Variants in CDK14 observed in about 807,000 individuals in gnomAD.
CDK14 encodes the protein cyclin-dependent kinase 14.
In CDK14, 34 loss-of-function variants were observed where a neutral mutation model predicts 60.7. The ratio of observed to expected loss-of-function variants is 0.56; its 90% CI spans 0.43 to 0.75. CDK14 has a LOEUF of 0.75. Among genes scored for constraint, CDK14 ranks in the 30% least tolerant of loss-of-function variants. The probability of loss-of-function intolerance (pLI) is 0.00; values close to 1 mark genes in which losing one functional copy is unlikely to be tolerated. For synonymous variants in CDK14, 197 were observed against 203.7 expected (o/e 0.97, Z 0.28); for missense variants, 482 against 564.1 (o/e 0.85, Z 1.47).
At chr7:91,064,901 A>G (rs923892244) in intron 11 of CDK14, among the ~76,000 whole-genome samples, 1 of 152,150 alleles carries the variant, frequency 6.6e-6, no homozygotes, top group Non-Finnish European at 1.5e-5. Flanking sequence ...ATAAATGCCT[A>G]ACTTAGTTCT....
intron 10 of CDK14, among the ~76,000 whole-genome samples, chr7:91,035,969 G>C (rs554348175): frequency 6.7e-6 from 1 of 148,422 alleles, no homozygotes; most frequent in Non-Finnish European, 1.5e-5. Flanking sequence ...TCAGCCTCCC[G>C]AGTAGCTGGG....
At chr7:91,124,090 G>A (rs1799867301) in intron 14 of CDK14, among the ~76,000 whole-genome samples, 1 of 152,020 alleles carries the variant, frequency 6.6e-6, no homozygotes, top group African/African-American at 2.4e-5. Context: ...GTCTCGCTAT[G>A]TTGTCTCAGC....
rs559236876 is a variant in CDK14, at chr7:90,639,788, G to A, written c.123+35539G>A. Among the ~76,000 whole-genome samples the A allele has an allele frequency of 9.5e-4, 145 of 152,022 alleles. 1 individual carries two copies. The highest frequency in any genetic ancestry group is 3.2e-3 in the African/African-American group (133 of 41,488). On this transcript the variant is annotated intron_variant, in intron 2 of 14. Transcript: ENST00000380050. ...GGGCTCCACCCAGTTCGAGCTTCCC[G>A]GCTGCTTTGTTTACCTAAGCAAGCC...
chr7:91,028,407 C>CT (rs762907000), intron 10 of CDK14, among the ~76,000 whole-genome samples: 8 of 152,050 alleles, frequency 5.3e-5, no homozygotes, highest in Non-Finnish European at 8.8e-5. Context: ...GTGCAGGTAT[C>CT]TTTTTTATAT....
intron 2 of CDK14, among the ~76,000 whole-genome samples, chr7:90,666,825 G>A (rs778020733): frequency 6.6e-6 from 1 of 152,108 alleles, no homozygotes; most frequent in Non-Finnish European, 1.5e-5. Context: ...AGCCATTGCT[G>A]TCCTGATTGC....
intron 5 of CDK14, among the ~76,000 whole-genome samples, chr7:90,853,254 T>G (rs1790708712): frequency 2.6e-5 from 4 of 152,178 alleles, no homozygotes; most frequent in Admixed American, 2.6e-4. Context: ...TGACATTTTT[T>G]GGGCTTTTCA....
intron 14 of CDK14, among the ~76,000 whole-genome samples, chr7:91,193,032 G>C (rs565052499): frequency 6.6e-5 from 10 of 152,182 alleles, no homozygotes; most frequent in African/African-American, 1.9e-4. Flanking sequence ...CTCATATGGG[G>C]CAGTGTAGGA....
At chr7:90,947,001 A>G (rs1794121140) in intron 8 of CDK14, among the ~76,000 whole-genome samples, 1 of 152,126 alleles carries the variant, frequency 6.6e-6, no homozygotes, top group Non-Finnish European at 1.5e-5. Context: ...CGCAGATAAG[A>G]GTTGTTCTCA....
intron 9 of CDK14, among the ~76,000 whole-genome samples, chr7:90,982,742 T>A (rs900927012): frequency 3.3e-5 from 5 of 152,096 alleles, no homozygotes; most frequent in Non-Finnish European, 5.9e-5. Flanking sequence ...CCCAGTATAG[T>A]TGCATCTATT....
intron 11 of CDK14, among the ~76,000 whole-genome samples, chr7:91,065,716 G>T (rs903860751): frequency 5.3e-5 from 8 of 152,166 alleles, no homozygotes; most frequent in African/African-American, 1.9e-4. Context: ...GTATTGGTTC[G>T]CATGATTTGT....
chr7:90,976,871 A>G (rs1200019632), intron 9 of CDK14, among the ~76,000 whole-genome samples: 1 of 152,100 alleles, frequency 6.6e-6, no homozygotes, highest in Non-Finnish European at 1.5e-5. Context: ...TAAAAACTCA[A>G]TTTAAGTCGG....
chr7:91,199,641 G>A (rs1802655126), intron 14 of CDK14, among the ~76,000 whole-genome samples: 1 of 152,206 alleles, frequency 6.6e-6, no homozygotes, highest in South Asian at 2.1e-4. Context: ...GATATGTTAA[G>A]TCAGTCTTCT....
intron 10 of CDK14, among the ~76,000 whole-genome samples, chr7:91,009,631 A>C (rs1562866714): frequency 1.3e-5 from 2 of 152,088 alleles, no homozygotes; most frequent in African/African-American, 4.8e-5. Flanking sequence ...TTCCATCTAT[A>C]TGTCTTCTTT....
At chr7:90,936,805 A>T (rs571508676) in intron 8 of CDK14, among the ~76,000 whole-genome samples, 2 of 152,210 alleles carry the variant, frequency 1.3e-5, no homozygotes, top group Non-Finnish European at 2.9e-5. Flanking sequence ...TAGGCCAGGA[A>T]TGGTGGCTCA....
At position 91,046,129 on chromosome 7, in the gene CDK14, T is replaced by A. The variant is rs532969840; in HGVS notation, c.1105+169T>A. ...CTTTTATTTTCACAAATTATTTGTC[T>A]GTGAAGACAGAGTTAAAGACATCCC... On this transcript the variant is annotated intron_variant, in intron 11 of 14. Coordinates refer to ENST00000380050, the MANE Select transcript of CDK14 (RefSeq NM_001287135.2). 4.6e-5 allele frequency among the ~76,000 whole-genome samples: 7 copies of A among 152,352 alleles called. No homozygotes were observed. The South Asian group carries it at 1.4e-3, about 32-fold the overall frequency.
chr7:90,887,544 G>A (rs974976368), intron 6 of CDK14, among the ~76,000 whole-genome samples: 3 of 152,026 alleles, frequency 2.0e-5, no homozygotes, highest in Non-Finnish European at 2.9e-5. Flanking sequence ...TACTCTATTC[G>A]TAACATAAAT....
chr7:91,046,073 A>G (rs1797223774), intron 11 of CDK14, 113 bp downstream of exon 11: 3 of 686,936 alleles, frequency 4.4e-6, no homozygotes, highest in South Asian at 3.5e-5. Context: ...TACTTTTGCC[A>G]TTGTGTACTT....
At chr7:90,755,545 T>C (rs1804020157) in intron 4 of CDK14, among the ~76,000 whole-genome samples, 1 of 152,130 alleles carries the variant, frequency 6.6e-6, no homozygotes, top group Admixed American at 6.6e-5. Flanking sequence ...ATCATTCATA[T>C]CCCATACCTC....
chr7:90,842,010 C>T (rs1427679704), intron 5 of CDK14, among the ~76,000 whole-genome samples: 2 of 151,936 alleles, frequency 1.3e-5, no homozygotes, highest in African/African-American at 2.4e-5. Context: ...CCTTGGAGTG[C>T]CCTTAGCAAC....
Sources: allele counts gnomAD v4.1 joint callset (sites outside exome capture counted in the v4.1 genomes callset), GRCh38; gene constraint gnomAD v4.1.1; transcripts MANE v1.5; gene names NCBI Gene and HGNC (gene_info 2026-07-23, HGNC 2026-07-21).